The following DIAPH3 variants were observed in gnomAD, a reference collection of about 807,000 sequenced individuals.
DIAPH3 encodes the protein protein diaphanous homolog 3.
DIAPH3 carries 117 observed loss-of-function variants against 144.3 expected under a neutral mutation model. The observed-to-expected ratio is 0.81, with a 90% CI of 0.70 to 0.95. DIAPH3 has a LOEUF of 0.95. DIAPH3 is among the 40% of genes least tolerant of loss of function. The probability of loss-of-function intolerance (pLI) is 0.00; values close to 1 mark genes in which losing one functional copy is unlikely to be tolerated. For synonymous variants in DIAPH3, 519 were observed against 488.9 expected (o/e 1.06, Z -0.81); for missense variants, 1,421 against 1,412.7 (o/e 1.01, Z -0.09).
At chr13:59,680,952 T>C (rs1283060251) in intron 27 of DIAPH3, among the ~76,000 whole-genome samples, 2 of 152,186 alleles carry the variant, frequency 1.3e-5, no homozygotes, top group African/African-American at 4.8e-5. Context: ...ATGTGTTCTG[T>C]AGTTTTACCA....
At chr13:59,942,580 TAA>T (rs1464926113) in intron 17 of DIAPH3, among the ~76,000 whole-genome samples, 2 of 152,132 alleles carry the variant, frequency 1.3e-5, no homozygotes, top group African/African-American at 2.4e-5. Flanking sequence ...TTTTAAAAAG[TAA>T]AGTTTCCCCA....
chr13:59,837,583 C>T (rs960518049), intron 23 of DIAPH3: 1 of 153,438 alleles, frequency 6.5e-6, no homozygotes, highest in African/African-American at 2.4e-5. Flanking sequence ...ATAAGTAGTT[C>T]AATTAACAGT....
chr13:59,902,772 T>G (rs911593923), intron 20 of DIAPH3, among the ~76,000 whole-genome samples: 1 of 151,958 alleles, frequency 6.6e-6, no homozygotes, highest in African/African-American at 2.4e-5. Context: ...TGAAACTGTC[T>G]CCAAAAAATA....
At chr13:60,132,250 T>C (rs565134220) in intron 2 of DIAPH3, among the ~76,000 whole-genome samples, 20 of 152,332 alleles carry the variant, frequency 1.3e-4, no homozygotes, top group Non-Finnish European at 2.5e-4. Context: ...TACTATGGTC[T>C]AGGCATTCTC....
intron 27 of DIAPH3, among the ~76,000 whole-genome samples, chr13:59,671,523 A>G (rs2032377815): frequency 6.6e-6 from 1 of 152,190 alleles, no homozygotes; most frequent in African/African-American, 2.4e-5. Flanking sequence ...AGATATTACA[A>G]TTGATCTCTA....
At chr13:60,136,664 G>A (rs1322867562) in intron 1 of DIAPH3, among the ~76,000 whole-genome samples, 7 of 152,116 alleles carry the variant, frequency 4.6e-5, no homozygotes, top group African/African-American at 1.2e-4. Context: ...TGCCGGGCGC[G>A]GCGGCTCACG....
intron 27 of DIAPH3, among the ~76,000 whole-genome samples, chr13:59,751,886 C>T (rs2037025299): frequency 6.6e-6 from 1 of 152,200 alleles, no homozygotes. Flanking sequence ...AGTCAAGCTT[C>T]ATAAATTGGT....
chr13:59,670,135 G>C (rs1399957170), intron 27 of DIAPH3, among the ~76,000 whole-genome samples: 1 of 152,056 alleles, frequency 6.6e-6, no homozygotes, highest in Non-Finnish European at 1.5e-5. Context: ...ACTCAAAATA[G>C]CTGTGGGCTT....
Position 59,918,223 on chromosome 13 carries a change from A to AAAG in DIAPH3, c.2171-1975_2171-1974insCTT, listed in dbSNP as rs1555333475. On this transcript the variant is annotated intron_variant, in intron 18 of 27. Transcript: ENST00000400324. Reference sequence around the variant, plus strand: ...GGCAGCACAGGAAAAAAAAAAAAAAAAGAGAGAGAGAGAGAGATACTGTCC... The same window carrying AAAG: ...GGCAGCACAGGAAAAAAAAAAAAAAAAAGAGAGAGAGAGAGAGAGATACTGTCC... 3.2e-4 allele frequency among the ~76,000 whole-genome samples: 48 copies of AAAG among 150,716 alleles called. 1 individual carries two copies. The highest frequency in any genetic ancestry group is 1.1e-3 in the African/African-American group (47 of 41,006).
chr13:60,037,976 T>C (rs1370548367), intron 5 of DIAPH3, among the ~76,000 whole-genome samples: 1 of 152,008 alleles, frequency 6.6e-6, no homozygotes, highest in Non-Finnish European at 1.5e-5. Flanking sequence ...GAAGAATGCA[T>C]GGAAGATGAC....
intron 17 of DIAPH3, among the ~76,000 whole-genome samples, chr13:59,944,868 A>G (rs1230892614): frequency 6.6e-6 from 1 of 152,044 alleles, no homozygotes; most frequent in Non-Finnish European, 1.5e-5. Flanking sequence ...ATGTGGAAAG[A>G]ACTTGCCCTT....
At chr13:59,708,081 G>C (rs956279870) in intron 27 of DIAPH3, among the ~76,000 whole-genome samples, 13 of 148,892 alleles carry the variant, frequency 8.7e-5, no homozygotes, top group Non-Finnish European at 1.8e-4. Flanking sequence ...TATTTTTTTA[G>C]AGACAGCATC....
chr13:59,957,100 T>C (rs1316446751), intron 17 of DIAPH3, among the ~76,000 whole-genome samples: 1 of 152,188 alleles, frequency 6.6e-6, no homozygotes, highest in Non-Finnish European at 1.5e-5. Flanking sequence ...GATTTTGGAC[T>C]GTGAACTTTT....
At chr13:59,717,023 A>T (rs1027553146) in intron 27 of DIAPH3, among the ~76,000 whole-genome samples, 1 of 152,216 alleles carries the variant, frequency 6.6e-6, no homozygotes, top group Non-Finnish European at 1.5e-5. Context: ...AACTATCATA[A>T]AATGCAACAG....
At chr13:60,015,531 C>T (rs963525459) in intron 7 of DIAPH3, among the ~76,000 whole-genome samples, 5 of 151,674 alleles carry the variant, frequency 3.3e-5, no homozygotes, top group East Asian at 1.9e-4. Flanking sequence ...AGCTGACTCA[C>T]GCCGTACTTT....
chr13:60,072,378 T>G (rs1295905258), intron 4 of DIAPH3, among the ~76,000 whole-genome samples: 4 of 152,182 alleles, frequency 2.6e-5, no homozygotes, highest in African/African-American at 9.7e-5. Context: ...TTTTCTCTCT[T>G]CTTGCTAAGT....
intron 22 of DIAPH3, among the ~76,000 whole-genome samples, chr13:59,856,334 T>C (rs1023177257): frequency 6.6e-6 from 1 of 152,196 alleles, no homozygotes; most frequent in African/African-American, 2.4e-5. Flanking sequence ...AGTTAGTATA[T>C]TAGTTTGCTA....
chr13:59,703,741 T>C (rs971887145), intron 27 of DIAPH3, among the ~76,000 whole-genome samples: 2 of 152,186 alleles, frequency 1.3e-5, no homozygotes, highest in African/African-American at 4.8e-5. Flanking sequence ...ATTTCTTGTA[T>C]GCGTGTTTAT....
intron 27 of DIAPH3, among the ~76,000 whole-genome samples, chr13:59,692,129 G>A (rs2033556107): frequency 1.6e-5 from 2 of 125,832 alleles, no homozygotes; most frequent in Admixed American, 8.4e-5. Context: ...TCATAGCTTT[G>A]AGAAATTCTT....
Sources: gnomAD v4.1 joint callset for allele counts (sites outside exome capture counted in the v4.1 genomes callset) on GRCh38, gnomAD v4.1.1 for gene constraint, MANE v1.5 for transcripts, NCBI Gene and HGNC (gene_info 2026-07-23, HGNC 2026-07-21) for gene names.